LY6S: variants seen among roughly 807,000 people sequenced by gnomAD.
LY6S encodes lymphocyte antigen 6 family member S.
chr8:143,062,942 T>G, the LY6S span, among the ~76,000 whole-genome samples: 1 of 152,290 alleles, frequency 6.6e-6, no homozygotes, highest in East Asian at 1.9e-4. Context: ...CGTGTCAAGA[T>G]TTTCTGAAAC....
chr8:143,073,484 G>A, the LY6S span, among the ~76,000 whole-genome samples: 202 of 137,808 alleles, frequency 1.5e-3, 2 homozygotes, highest in African/African-American at 5.6e-3. Context: ...CCTGTTTGAG[G>A]AGACAGCCGT....
chr8:143,070,645 C>T, the LY6S span, among the ~76,000 whole-genome samples: 1 of 150,552 alleles, frequency 6.6e-6, no homozygotes, highest in South Asian at 2.1e-4. Context: ...TGTCACCACA[C>T]CCAGCTAATT....
the LY6S span, among the ~76,000 whole-genome samples, chr8:143,065,764 TTCTTTTC>T: frequency 7.7e-5 from 11 of 142,118 alleles, no homozygotes; most frequent in African/African-American, 2.6e-4. Flanking sequence ...CTTTCTTTCT[TTCTTTTC>T]TCTTTCTTTC....
At chr8:143,048,981 G>A in the LY6S span, among the ~76,000 whole-genome samples, 6 of 152,150 alleles carry the variant, frequency 3.9e-5, no homozygotes, top group African/African-American at 7.2e-5. Context: ...GGAAAGGCTC[G>A]CTGATGAGAC....
chr8:143,056,088 CAGTG>C, the LY6S span, among the ~76,000 whole-genome samples: 2 of 151,288 alleles, frequency 1.3e-5, no homozygotes, highest in African/African-American at 4.9e-5. Context: ...ACTCATGACA[CAGTG>C]AGCCTACTTT....
At chr8:143,043,647 C>T in the LY6S span, among the ~76,000 whole-genome samples, 1 of 151,256 alleles carries the variant, frequency 6.6e-6, no homozygotes, top group African/African-American at 2.4e-5. Flanking sequence ...TTTTGGGAAA[C>T]AGCTGCGGGC....
At chr8:143,044,900 C>A in the LY6S span, 7 of 1,165,650 alleles carry the variant, frequency 6.0e-6, no homozygotes, top group Non-Finnish European at 7.8e-6. Flanking sequence ...ACTCTCACCA[C>A]CACCCTTGTC....
chr8:143,057,915 C>T, the LY6S span: 16 of 591,144 alleles, frequency 2.7e-5, no homozygotes, highest in African/African-American at 1.1e-4. Flanking sequence ...CAGAGGGATG[C>T]GGCCCACGGT....
chr8:143,075,046 G>A, the LY6S span, among the ~76,000 whole-genome samples: 6 of 152,302 alleles, frequency 3.9e-5, no homozygotes, highest in Admixed American at 1.3e-4. The surrounding 1 kb of genome is among the most constrained non-coding windows in gnomAD (Gnocchi z 4.1). Context: ...CTAACTGGAC[G>A]TGAAAATCTT....
the LY6S span, among the ~76,000 whole-genome samples, chr8:143,074,033 G>GT: frequency 6.6e-6 from 1 of 151,876 alleles, no homozygotes; most frequent in African/African-American, 2.4e-5. Flanking sequence ...GTGCTAAGGT[G>GT]TTTTTTTCTC....
At chr8:143,064,901 C>G in the LY6S span, among the ~76,000 whole-genome samples, 1 of 152,148 alleles carries the variant, frequency 6.6e-6, no homozygotes, top group Non-Finnish European at 1.5e-5. Flanking sequence ...AGCCATAGCT[C>G]ATCTGCAGTG....
the LY6S span, among the ~76,000 whole-genome samples, chr8:143,061,125 T>G: frequency 4.1e-4 from 63 of 152,212 alleles, no homozygotes; most frequent in African/African-American, 1.4e-3. Flanking sequence ...ACAGTGCTCA[T>G]TTTAAAAGGA....
chr8:143,041,931 C>T, the LY6S span, among the ~76,000 whole-genome samples: 31 of 27,476 alleles, frequency 1.1e-3, no homozygotes, highest in East Asian at 3.5e-3. Flanking sequence ...CCACCCAGGG[C>T]GTTCTCAGCC....
chr8:143,065,228 G>A, the LY6S span, among the ~76,000 whole-genome samples: 2 of 152,250 alleles, frequency 1.3e-5, no homozygotes, highest in Non-Finnish European at 2.9e-5. Context: ...CTGTACTCTG[G>A]GGGTGACATT....
the LY6S span, chr8:143,044,125 T>C: frequency 2.2e-6 from 1 of 456,196 alleles, no homozygotes. Flanking sequence ...CTGGCTGATA[T>C]CCCACCATTC....
chr8:143,066,940 G>C, the LY6S span, among the ~76,000 whole-genome samples: 3 of 152,198 alleles, frequency 2.0e-5, no homozygotes, highest in South Asian at 2.1e-4. Flanking sequence ...TGGGGAAAAG[G>C]CCTCAAAGGC....
At chr8:143,045,989 G>T in the LY6S span, among the ~76,000 whole-genome samples, 15 of 152,196 alleles carry the variant, frequency 9.9e-5, no homozygotes, top group South Asian at 3.1e-3. The surrounding 1 kb of genome is among the most constrained non-coding windows in gnomAD (Gnocchi z 5.3). Context: ...GAGTAGCTGT[G>T]ACTACAGGTG....
the LY6S span, chr8:143,043,013 G>A: frequency 7.3e-7 from 1 of 1,367,794 alleles, no homozygotes; most frequent in Non-Finnish European, 9.8e-7. Context: ...TGGCTGAAAA[G>A]CCACACCAGA....
At chr8:143,044,289 G>A in the LY6S span, 6 of 454,354 alleles carry the variant, frequency 1.3e-5, no homozygotes, top group African/African-American at 8.0e-5. Flanking sequence ...GGGGTCCCCA[G>A]AGTAGCTACA....
Sources: gnomAD v4.1 joint callset for allele counts (sites outside exome capture counted in the v4.1 genomes callset) on GRCh38, gnomAD v4.1.1 for gene constraint, Gnocchi (gnomAD v3.1) non-coding constraint, MANE v1.5 for transcripts, NCBI Gene and HGNC (gene_info 2026-07-23, HGNC 2026-07-21) for gene names.